The following SIPA1L3 variants were observed in gnomAD, a reference collection of about 807,000 sequenced individuals.
The protein encoded by SIPA1L3 is signal induced proliferation associated 1 like 3.
In SIPA1L3, 59 loss-of-function variants were observed where a neutral mutation model predicts 150.1. The observed-to-expected ratio is 0.39, with a 90% confidence interval of 0.32 to 0.49. SIPA1L3 has a LOEUF of 0.49. Among genes scored for constraint, SIPA1L3 ranks in the 20% least tolerant of loss-of-function variants. The pLI is 0.86. For missense variants in SIPA1L3, 2,211 were observed against 2,489.5 expected (o/e 0.89, Z 2.38); for synonymous variants, 1,070 against 1,077.6 (o/e 0.99, Z 0.14).
At chr19:37,916,144 AG>A (rs2145474351) in intron 1 of SIPA1L3, among the ~76,000 whole-genome samples, 1 of 152,018 alleles carries the variant, frequency 6.6e-6, no homozygotes, top group East Asian at 1.9e-4. Context: ...GTCCTGCCTT[AG>A]CCTCCACAGT....
intron 1 of SIPA1L3, among the ~76,000 whole-genome samples, chr19:37,953,050 G>A (rs1160351681): frequency 6.6e-6 from 1 of 152,142 alleles, no homozygotes; most frequent in Non-Finnish European, 1.5e-5. Flanking sequence ...GTGAAACTCC[G>A]TCTGTACTAA....
Position 38,203,461 on chromosome 19 carries a change from C to T in SIPA1L3, c.5121-666C>T, listed in dbSNP as rs755932730. Among the ~76,000 whole-genome samples the T allele has an allele frequency of 5.9e-5, 9 of 151,770 alleles. No individual in the cohort carries two copies. The East Asian group carries it at 7.7e-4, about 13-fold the overall frequency. On this transcript the variant is annotated intron_variant, in intron 20 of 21. Coordinates refer to ENST00000222345, the MANE Select transcript of SIPA1L3 (RefSeq NM_015073.3). ...CCCAACTCCAAGCAGGAAAGGGCTG[C>T]GCGTTCTCTGCAGCGGCCAGGCAGG...
intron 1 of SIPA1L3, among the ~76,000 whole-genome samples, chr19:37,925,479 G>A (rs1226549664): frequency 6.6e-6 from 1 of 152,192 alleles, no homozygotes; most frequent in Non-Finnish European, 1.5e-5. Context: ...CAGGAGAGTG[G>A]GAGGGATGAG....
At chr19:38,097,183 T>C (rs1457502269) in intron 4 of SIPA1L3, among the ~76,000 whole-genome samples, 1 of 151,958 alleles carries the variant, frequency 6.6e-6, no homozygotes, top group African/African-American at 2.4e-5. Context: ...ACTCTGTCTC[T>C]ACAAAAAATA....
At chr19:38,016,886 C>CTTTTT (rs58459050) in intron 1 of SIPA1L3, among the ~76,000 whole-genome samples, 2 of 69,140 alleles carry the variant, frequency 2.9e-5, no homozygotes, top group African/African-American at 6.6e-5. Flanking sequence ...CCTCCTCTGG[C>CTTTTT]TTTTTTTTTT....
chr19:38,082,517 C>G lies in SIPA1L3; in HGVS notation c.952C>G (p.Pro318Ala), dbSNP rs1388625512. 6 of 1,597,388 alleles carry G rather than the reference C, an allele frequency of 3.8e-6. No homozygotes were observed. Among genetic ancestry groups the G allele is most frequent in the African/African-American group, 2.7e-5 (2 of 74,656 alleles). The change falls in exon 3 of 22, where the codon CCG becomes GCG. Residue 318 changes from proline (P) to alanine (A), a missense_variant. Transcript: ENST00000222345. ...ACCCGAGGGGGAGGCTGGGCGTTCC[C>G]CGGGGGAGGCCGACGAGGGCCGGAG... Reference protein sequence around the residue: ...SKPEGEAGRSPGEADEGRSPP... With the variant: ...SKPEGEAGRSAGEADEGRSPP...
chr19:38,126,014 A>C (rs1971163107), intron 9 of SIPA1L3, among the ~76,000 whole-genome samples: 1 of 152,124 alleles, frequency 6.6e-6, no homozygotes. Flanking sequence ...TCTACTAAAC[A>C]TACGAAAAAA....
At position 38,095,881 on chromosome 19, in the gene SIPA1L3, G is replaced by A. The variant is rs539335966; in HGVS notation, c.1666-4081G>A. ...AGATTTCTGGTCCGTGCTGTCCCTC[G>A]TTCCCAGCAGAGGGCACTGTGGGAC... is the stretch of plus-strand genomic sequence containing the variant. On this transcript the variant is annotated intron_variant, in intron 4 of 21. Coordinates refer to ENST00000222345, the MANE Select transcript of SIPA1L3 (RefSeq NM_015073.3). Among the ~76,000 whole-genome samples, 25 of 152,306 alleles carry A rather than the reference G, an allele frequency of 1.6e-4. 1 individual carries two copies. The highest frequency in any genetic ancestry group is 4.3e-4 in the African/African-American group (18 of 41,580).
intron 20 of SIPA1L3, chr19:38,203,885 C>T: frequency 1.9e-6 from 1 of 527,698 alleles, no homozygotes; most frequent in South Asian, 2.4e-5. Flanking sequence ...TAAGGGTGGG[C>T]AGCCACCCTT....
At chr19:37,975,330 G>A (rs1187912888) in intron 1 of SIPA1L3, among the ~76,000 whole-genome samples, 1 of 152,144 alleles carries the variant, frequency 6.6e-6, no homozygotes, top group African/African-American at 2.4e-5. Flanking sequence ...CACCGTGTAG[G>A]CCGAGCCTAG....
intron 3 of SIPA1L3, among the ~76,000 whole-genome samples, chr19:38,087,019 T>C (rs1970146898): frequency 6.6e-6 from 1 of 152,108 alleles, no homozygotes; most frequent in African/African-American, 2.4e-5. Flanking sequence ...TGTCCAGATA[T>C]TGAGGATAAG....
At position 38,206,213 on chromosome 19, in the gene SIPA1L3, C is replaced by A. The variant is rs1216986137; in HGVS notation, c.5319C>A (p.Ile1773=). 6.4e-7 allele frequency: 1 copy of A among 1,562,460 alleles called. No individual in the cohort carries two copies. Among genetic ancestry groups the A allele is most frequent in the South Asian group, 1.2e-5 (1 of 84,566 alleles). Residue 1773 remains isoleucine (I), a synonymous_variant, in exon 22 of 22, where the codon ATC becomes ATA. Coordinates refer to ENST00000222345, the MANE Select transcript of SIPA1L3 (RefSeq NM_015073.3). ...ASEQLRKFAE[I]FCREKKEL is the part of the protein sequence containing the mutation. ...AGCAGCTGCGCAAGTTTGCGGAGAT[C>A]TTCTGCAGGGAGAAGAAGGAGCTCT...
intron 6 of SIPA1L3, among the ~76,000 whole-genome samples, chr19:38,104,868 G>A (rs554451348): frequency 7.9e-5 from 12 of 151,990 alleles, no homozygotes; most frequent in African/African-American, 2.9e-4. Flanking sequence ...ACCGCGCCTG[G>A]CCAGGAAGTG....
At chr19:38,110,038 C>T in intron 7 of SIPA1L3, 189 bp from the exon 8 acceptor site, 1 of 599,056 alleles carries the variant, frequency 1.7e-6, no homozygotes, top group Non-Finnish European at 3.0e-6. Flanking sequence ...ATGGTGAGGC[C>T]TTTGTCCTTT....
intron 2 of SIPA1L3, among the ~76,000 whole-genome samples, chr19:38,036,078 TC>T (rs1379544774): frequency 6.6e-6 from 1 of 152,186 alleles, no homozygotes; most frequent in East Asian, 1.9e-4. Context: ...GGCCTCCTGG[TC>T]CCCTTTCTTG....
chr19:38,109,047 T>C (rs1568554142), intron 7 of SIPA1L3, among the ~76,000 whole-genome samples: 2 of 151,952 alleles, frequency 1.3e-5, no homozygotes, highest in Non-Finnish European at 2.9e-5. Context: ...AGCCAAACAC[T>C]GTGAATACGG....
At chr19:37,927,727 G>GGTGT (rs59246699) in intron 1 of SIPA1L3, among the ~76,000 whole-genome samples, 6 of 139,526 alleles carry the variant, frequency 4.3e-5, no homozygotes, top group Admixed American at 7.2e-5. Context: ...AAGAACATGG[G>GGTGT]GTGTGTGTGT....
At position 38,106,597 on chromosome 19, in the gene SIPA1L3, A is replaced by G. The variant is rs1970628729; in HGVS notation, c.2090A>G (p.His697Arg). 2.5e-6 allele frequency: 4 copies of G among 1,614,028 alleles called. No homozygotes were observed. The highest frequency in any genetic ancestry group is 3.4e-6 in the Non-Finnish European group (4 of 1,179,940). Reference sequence around the variant, plus strand: ...TACCAGGACTACGAGATCATGTTCCATGTCTCCACCCTGCTCCCTTACACC... The same window carrying G: ...TACCAGGACTACGAGATCATGTTCCGTGTCTCCACCCTGCTCCCTTACACC... ...TMYQDYEIMF[H>R]VSTLLPYTPN... The change falls in exon 7 of 22, where the codon CAT (histidine) becomes CGT (arginine). Residue 697 changes from histidine to arginine, a missense_variant. Physicochemically the swap from His to Arg is conservative, Grantham distance 29. Around this residue, in one of 5 missense-constraint regions of SIPA1L3, gnomAD observed 625 missense variants for 804.2 expected, o/e 0.78. Coordinates refer to ENST00000222345, the MANE Select transcript of SIPA1L3 (RefSeq NM_015073.3).
chr19:38,191,430 C>T (rs1287471575), intron 16 of SIPA1L3, among the ~76,000 whole-genome samples: 1 of 151,272 alleles, frequency 6.6e-6, no homozygotes, highest in African/African-American at 2.4e-5. Context: ...GCAAAAAACA[C>T]ACACACACAA....
Sources: gnomAD v4.1 joint callset for allele counts (sites outside exome capture counted in the v4.1 genomes callset) on GRCh38, gnomAD v4.1.1 for gene constraint, gnomAD v4.1.1 regional missense constraint, MANE v1.5 for transcripts, NCBI Gene and HGNC (gene_info 2026-07-23, HGNC 2026-07-21) for gene names.